The following PLCH2 variants were observed in gnomAD, a reference collection of about 807,000 sequenced individuals.
The protein encoded by PLCH2 is 1-phosphatidylinositol 4,5-bisphosphate phosphodiesterase eta-2.
Under a neutral mutation model 134.7 loss-of-function variants are expected in PLCH2, and 98 were observed. That is an observed-to-expected ratio of 0.73 (90% CI 0.62 to 0.86). The LOEUF (loss-of-function observed/expected upper bound fraction) is 0.86, where lower values mean the gene tolerates loss of function less well. Ranked by LOEUF, PLCH2 falls within the 40% of genes least tolerant of loss-of-function variation. The pLI, the probability that PLCH2 is intolerant of heterozygous loss-of-function variation, is 0.00. For synonymous variants in PLCH2, 974 were observed against 827.5 expected (o/e 1.18, Z -3.04); for missense variants, 1,994 against 1,986.6 (o/e 1.00, Z -0.07).
chr1:2,444,177 G>A lies in PLCH2; in HGVS notation c.115+13548G>A, dbSNP rs1005816286. Reference sequence around the variant, plus strand: ...CGGAGCGGTCTTGAGCTCTCCGGATGGCCTCAGGTGCGGGGTGAGGGATCT... The same window carrying A: ...CGGAGCGGTCTTGAGCTCTCCGGATAGCCTCAGGTGCGGGGTGAGGGATCT... On this transcript the variant is annotated intron_variant, in intron 2 of 3. Coordinates refer to the PLCH2 transcript ENST00000609981. The surrounding 1 kb of genome is among the most constrained non-coding windows in gnomAD (Gnocchi z 4.6). Among the ~76,000 whole-genome samples, 2 of 152,326 alleles carry A rather than the reference G, an allele frequency of 1.3e-5. No homozygotes were observed. Among genetic ancestry groups the A allele is most frequent in the African/African-American group, 4.8e-5 (2 of 41,578 alleles).
intron 2 of PLCH2, among the ~76,000 whole-genome samples, chr1:2,431,670 CA>C (rs1292128602): frequency 6.6e-6 from 1 of 152,140 alleles, no homozygotes; most frequent in Admixed American, 6.5e-5. Context: ...GTATCAGGTC[CA>C]GGGGCAACGG....
intron 5 of PLCH2, 43 bp downstream of exon 5, chr1:2,484,661 C>T (rs762738591): frequency 1.3e-6 from 2 of 1,595,514 alleles, no homozygotes; most frequent in African/African-American, 1.3e-5. Flanking sequence ...GCCATCAGGC[C>T]TCGCCTTCTG....
In PLCH2 at chr1:2,459,522, T is replaced by TCCTTGCC. The variant is rs1557969940; in HGVS notation, c.116-18954_116-18953insCCTTGCC. 2.2e-3 allele frequency among the ~76,000 whole-genome samples: 138 copies of TCCTTGCC among 62,002 alleles called. 13 individuals carry two copies. The highest frequency in any genetic ancestry group is 3.9e-3 in the South Asian group (5 of 1,268). 40.7% of individuals were successfully genotyped at this position (62,002 alleles called of 152,430 possible). ...CCTCCTTCCTGGTGGTCCTCCTTCCTGGTGGTCCTCCTTCCTGGTGGTCCT... is the reference window on the plus strand; with the variant it reads ...CCTCCTTCCTGGTGGTCCTCCTTCCTCCTTGCCGGTGGTCCTCCTTCCTGGTGGTCCT... On this transcript the variant is annotated intron_variant, in intron 2 of 3. Transcript: ENST00000609981.
Position 2,479,875 on chromosome 1 carries a change from C to T in PLCH2, c.413C>T (p.Thr138Ile). 1.2e-6 allele frequency: 2 copies of T among 1,611,880 alleles called. No homozygotes were observed. Among genetic ancestry groups the T allele is most frequent in the Non-Finnish European group, 1.7e-6 (2 of 1,179,594 alleles). Residue 138 changes from threonine to isoleucine, a missense_variant, in exon 3 of 22, where the codon ACC becomes ATC. Thr to Ile is a moderately conservative substitution (Grantham distance 89). Coordinates refer to ENST00000378486, the MANE Select transcript of PLCH2 (RefSeq NM_014638.4). ...SHRESLDLVS[T>I]SSEVARTWVT... ...CGCGAGTCGCTGGACCTGGTCTCCA[C>T]CAGCAGCGAGGTGGCGCGCACCTGG... is the stretch of plus-strand genomic sequence containing the variant.
intron 2 of PLCH2, among the ~76,000 whole-genome samples, chr1:2,435,126 G>A (rs56239813): frequency 0.013 from 2,052 of 152,342 alleles, 44 homozygotes; most frequent in African/African-American, 0.046. Flanking sequence ...AGAGAAGTGG[G>A]CAGTCCAGGA....
At chr1:2,467,018 C>T (rs933857702), upstream of PLCH2, among the ~76,000 whole-genome samples, 1 of 152,198 alleles carries the variant, frequency 6.6e-6, no homozygotes, top group African/African-American at 2.4e-5. Context: ...GTGCTCAGCC[C>T]TTCCCAGAGG....
chr1:2,423,890 A>G (rs900315483), upstream of PLCH2, among the ~76,000 whole-genome samples: 3 of 152,070 alleles, frequency 2.0e-5, no homozygotes, highest in African/African-American at 7.2e-5. Context: ...CCTCGTCGTG[A>G]CGCTGCCTGC....
chr1:2,487,455 G>T (rs1221229741), intron 7 of PLCH2, 79 bp downstream of exon 7: 1 of 1,476,674 alleles, frequency 6.8e-7, no homozygotes, highest in Non-Finnish European at 9.3e-7. Context: ...AGCCCCCGGG[G>T]GGATCTCTGG....
rs7547802 is a variant in PLCH2, at chr1:2,432,301, G to C, written c.115+1672G>C. On this transcript the variant is annotated intron_variant, in intron 2 of 3. Coordinates refer to the PLCH2 transcript ENST00000609981. ...CAGGTCCGCTTGGGAGTGCAGCTTG[G>C]GGGTGAATAACTGAGCACTCCGGCT... 4.1e-4 allele frequency among the ~76,000 whole-genome samples: 63 copies of C among 152,336 alleles called. 1 individual carries two copies. Among genetic ancestry groups the C allele is most frequent in the African/African-American group, 1.3e-3 (54 of 41,582 alleles).
intron 4 of PLCH2, 42 bp from the exon 5 acceptor site, chr1:2,484,406 C>T (rs1558006171): frequency 6.2e-7 from 1 of 1,605,570 alleles, no homozygotes; most frequent in Admixed American, 1.7e-5. Flanking sequence ...CATGCAGGCC[C>T]TGGTCGAGGT....
chr1:2,505,013 A>G lies in PLCH2; in HGVS notation c.4051A>G (p.Ser1351Gly). Reference protein sequence around the residue: ...RSHSRVRAIASRARQAQERQQ... With the variant: ...RSHSRVRAIAGRARQAQERQQ... ...CCACAGCCGCGTGCGTGCCATTGCC[A>G]GCCGGGCCCGCCAGGCCCAGGAGCG... The change falls in exon 22 of 22, where the codon AGC (serine) becomes GGC (glycine). Residue 1351 changes from serine (S) to glycine (G), a missense_variant. Coordinates refer to ENST00000378486, the MANE Select transcript of PLCH2 (RefSeq NM_014638.4). The G allele has an allele frequency of 6.5e-7, 1 of 1,542,996 alleles. No individual in the cohort carries two copies. Among genetic ancestry groups the G allele is most frequent in the Non-Finnish European group, 8.7e-7 (1 of 1,150,612 alleles).
At chr1:2,485,043 T>C (rs1320895529) in intron 5 of PLCH2, among the ~76,000 whole-genome samples, 2 of 152,164 alleles carry the variant, frequency 1.3e-5, no homozygotes, top group Middle Eastern at 3.4e-3. Context: ...GCCCCTGTGT[T>C]CCAGCCACAT....
At chr1:2,451,435 T>A (rs898480603) in intron 2 of PLCH2, among the ~76,000 whole-genome samples, 8 of 152,136 alleles carry the variant, frequency 5.3e-5, no homozygotes, top group Non-Finnish European at 1.2e-4. Flanking sequence ...GTGCCGCCCC[T>A]CTGGACTGAT....
At position 2,489,656 on chromosome 1, in the gene PLCH2, G is replaced by A. The variant is rs956351801; in HGVS notation, c.1408-104G>A. On this transcript the variant is annotated intron_variant, in intron 9 of 21. Transcript: ENST00000378486. ...TGGCTGAGATGCCAAAACTGAGCTT[G>A]AGAAAAGGCCCCTCTCCTTGGCCGG... 1.1e-5 allele frequency: 10 copies of A among 938,232 alleles called. No homozygotes were observed. In the Admixed American group the frequency reaches 1.6e-4, roughly 15 times the overall value. 58.1% of individuals were successfully genotyped at this position (938,232 alleles called of 1,614,324 possible).
upstream of PLCH2, among the ~76,000 whole-genome samples, chr1:2,471,307 G>C (rs1557984206): frequency 6.6e-6 from 1 of 152,224 alleles, no homozygotes; most frequent in East Asian, 1.9e-4. Flanking sequence ...TAGCGGGCCA[G>C]CTGGAGAGTG....
At chr1:2,434,028 C>T (rs139655974) in intron 2 of PLCH2, among the ~76,000 whole-genome samples, 3 of 152,358 alleles carry the variant, frequency 2.0e-5, no homozygotes, top group South Asian at 4.1e-4. Context: ...CCATCAACAT[C>T]GCAGGAGGTT....
chr1:2,457,521 G>A (rs1183412207), intron 2 of PLCH2, among the ~76,000 whole-genome samples: 1 of 152,198 alleles, frequency 6.6e-6, no homozygotes, highest in Non-Finnish European at 1.5e-5. Flanking sequence ...CTTGGGTTCT[G>A]AGATCTGCTG....
rs1256475234 is a variant in PLCH2 at position 2,479,791 on chromosome 1, G to A, written c.329G>A (p.Arg110His). The change falls in exon 3 of 22, where the codon CGC becomes CAC. Residue 110 changes from arginine (R) to histidine (H), a missense_variant. Coordinates refer to ENST00000378486, the MANE Select transcript of PLCH2 (RefSeq NM_014638.4). ...GGGCGGCAGTCGGAGGTCTTCCAGCGCTACCCTGACGGCAGCTTCGACCCC... is the reference window on the plus strand; with the variant it reads ...GGGCGGCAGTCGGAGGTCTTCCAGCACTACCCTGACGGCAGCTTCGACCCC... ...SEGRQSEVFQ[R>H]YPDGSFDPNC... The A allele has an allele frequency of 7.6e-6, 12 of 1,575,862 alleles. No individual in the cohort carries two copies. The highest frequency in any genetic ancestry group is 4.7e-5 in the East Asian group (2 of 42,404).
chr1:2,496,272 G>A (rs987758264), intron 13 of PLCH2, among the ~76,000 whole-genome samples: 5 of 152,088 alleles, frequency 3.3e-5, no homozygotes, highest in Non-Finnish European at 7.4e-5. Flanking sequence ...TCTCCACATA[G>A]CGATTCTAGG....
Sources: gnomAD v4.1 joint callset for allele counts (sites outside exome capture counted in the v4.1 genomes callset) on GRCh38, gnomAD v4.1.1 for gene constraint, Gnocchi (gnomAD v3.1) non-coding constraint, MANE v1.5 for transcripts, NCBI Gene and HGNC (gene_info 2026-07-23, HGNC 2026-07-21) for gene names.